Variants in SLC35F4 observed in about 807,000 individuals in gnomAD.
SLC35F4 encodes the protein chromosome 14 open reading frame 36.
In SLC35F4, 24 loss-of-function variants were observed where a neutral mutation model predicts 44.2. That is an observed-to-expected ratio of 0.54 (90% CI 0.39 to 0.76). The LOEUF (loss-of-function observed/expected upper bound fraction) is 0.76, where lower values mean the gene tolerates loss of function less well. Among genes scored for constraint, SLC35F4 ranks in the 30% least tolerant of loss-of-function variants. The pLI, the probability that SLC35F4 is intolerant of heterozygous loss-of-function variation, is 0.00. For synonymous variants in SLC35F4, 238 were observed against 223.6 expected (o/e 1.06, Z -0.57); for missense variants, 562 against 586.1 (o/e 0.96, Z 0.42).
intron 1 of SLC35F4, among the ~76,000 whole-genome samples, chr14:57,731,638 A>G (rs1189007305): frequency 6.6e-6 from 1 of 152,186 alleles, no homozygotes; most frequent in Non-Finnish European, 1.5e-5. Context: ...GTCTTTTTTG[A>G]GCACTGCCTT....
chr14:57,695,678 C>T (rs774949926), intron 1 of SLC35F4, among the ~76,000 whole-genome samples: 3 of 152,130 alleles, frequency 2.0e-5, no homozygotes, highest in Non-Finnish European at 2.9e-5. Flanking sequence ...TGGGTATATA[C>T]CTAAGGGATT....
In SLC35F4 at chr14:57,963,949, C is replaced by T. The variant is rs578118308; in HGVS notation, n.282+17964G>A. Among the ~76,000 whole-genome samples the T allele has an allele frequency of 1.0e-3, 156 of 152,038 alleles. 2 individuals carry two copies. The highest frequency in any genetic ancestry group is 1.7e-3 in the Non-Finnish European group (118 of 67,966). On this transcript the variant is annotated intron_variant and non_coding_transcript_variant, in intron 1 of 1. Coordinates refer to the SLC35F4 transcript ENST00000556568. ...TCTTGCCCAGGCTATTCTCAAACTC[C>T]TGGGCTCAAGCAATCTCCCACCTCG...
intron 1 of SLC35F4, among the ~76,000 whole-genome samples, chr14:57,617,703 G>A (rs2071928821): frequency 6.6e-6 from 1 of 152,088 alleles, no homozygotes; most frequent in South Asian, 2.1e-4. Context: ...GGGTAGAGTG[G>A]GTCTGTATGA....
At chr14:57,596,787 T>C (rs1333264446) in intron 1 of SLC35F4, 1 of 1,367,236 alleles carries the variant, frequency 7.3e-7, no homozygotes, top group Non-Finnish European at 9.8e-7. Flanking sequence ...TATTATGTCC[T>C]GGCTTCCATA....
chr14:57,826,272 C>T (rs922192381), intron 1 of SLC35F4, among the ~76,000 whole-genome samples: 1 of 152,104 alleles, frequency 6.6e-6, no homozygotes, highest in Non-Finnish European at 1.5e-5. Context: ...AAAGGACATC[C>T]TATGTAATAA....
At chr14:57,651,022 T>C (rs958941088) in intron 1 of SLC35F4, among the ~76,000 whole-genome samples, 14 of 152,154 alleles carry the variant, frequency 9.2e-5, no homozygotes, top group African/African-American at 2.9e-4. Context: ...CTCCATAACA[T>C]TACTCCATTT....
intron 1 of SLC35F4, among the ~76,000 whole-genome samples, chr14:57,618,270 T>A (rs1379238673): frequency 6.6e-6 from 1 of 152,190 alleles, no homozygotes; most frequent in Non-Finnish European, 1.5e-5. Flanking sequence ...GGAATAGCAC[T>A]GGTATGCAGC....
At chr14:57,619,276 C>T (rs767881229) in intron 1 of SLC35F4, among the ~76,000 whole-genome samples, 3 of 152,308 alleles carry the variant, frequency 2.0e-5, no homozygotes, top group African/African-American at 7.2e-5. Flanking sequence ...CTGACAGACA[C>T]CTCATACAGG....
At chr14:57,948,165 T>C (rs1011201956) in intron 1 of SLC35F4, among the ~76,000 whole-genome samples, 1 of 152,188 alleles carries the variant, frequency 6.6e-6, no homozygotes, top group Non-Finnish European at 1.5e-5. Context: ...CATCTGGTCC[T>C]GGACTTTTTT....
chr14:57,596,677 C>G, intron 1 of SLC35F4: 1 of 774,496 alleles, frequency 1.3e-6, no homozygotes, highest in Non-Finnish European at 2.1e-6. Flanking sequence ...CAAATATTGT[C>G]CATAGTTACC....
chr14:57,862,010 ACTCTACATC>A (rs1887721181), intron 1 of SLC35F4, among the ~76,000 whole-genome samples: 1 of 152,004 alleles, frequency 6.6e-6, no homozygotes, highest in Non-Finnish European at 1.5e-5. Flanking sequence ...CTCTAAGCTT[ACTCTACATC>A]TCCAATTACA....
chr14:57,791,262 T>C (rs933373858), intron 1 of SLC35F4, among the ~76,000 whole-genome samples: 6 of 152,110 alleles, frequency 3.9e-5, no homozygotes, highest in Admixed American at 6.5e-5. Flanking sequence ...ATCCACAGTC[T>C]ACAGGGAAGT....
intron 1 of SLC35F4, among the ~76,000 whole-genome samples, chr14:57,726,322 T>C (rs192925757): frequency 6.6e-6 from 1 of 152,256 alleles, no homozygotes; most frequent in Non-Finnish European, 1.5e-5. Flanking sequence ...CCAGACTTGC[T>C]GAGGTGCTTG....
At chr14:57,585,276 G>A (rs550109125) in intron 3 of SLC35F4, among the ~76,000 whole-genome samples, 33 of 152,172 alleles carry the variant, frequency 2.2e-4, no homozygotes, top group East Asian at 7.7e-4. Context: ...AAAGGCCTTC[G>A]ACAAAATTCA....
chr14:57,710,824 C>T (rs999048765), intron 1 of SLC35F4, among the ~76,000 whole-genome samples: 1 of 152,110 alleles, frequency 6.6e-6, no homozygotes, highest in African/African-American at 2.4e-5. Context: ...TTCCTGTAAC[C>T]ACATTTTATC....
At chr14:57,604,771 G>A (rs1394421351) in intron 1 of SLC35F4, among the ~76,000 whole-genome samples, 1 of 152,180 alleles carries the variant, frequency 6.6e-6, no homozygotes, top group South Asian at 2.1e-4. Flanking sequence ...ATAGACCAAT[G>A]GAACAGAATA....
intron 1 of SLC35F4, among the ~76,000 whole-genome samples, chr14:57,632,016 T>C (rs1435698586): frequency 6.6e-6 from 1 of 152,176 alleles, no homozygotes; most frequent in African/African-American, 2.4e-5. Context: ...AAATACTGTT[T>C]GTGGAATGTG....
At chr14:57,596,853 C>T in intron 1 of SLC35F4, 1 of 1,367,652 alleles carries the variant, frequency 7.3e-7, no homozygotes, top group Non-Finnish European at 9.8e-7. Context: ...CCAGCTGCCT[C>T]CCACTGGTCA....
At chr14:57,684,859 T>C (rs1279681967) in intron 1 of SLC35F4, among the ~76,000 whole-genome samples, 1 of 152,040 alleles carries the variant, frequency 6.6e-6, no homozygotes, top group East Asian at 1.9e-4. Flanking sequence ...CTCTCAGGAG[T>C]TTCCCCAGAG....
Sources: gnomAD v4.1 joint callset for allele counts (sites outside exome capture counted in the v4.1 genomes callset) on GRCh38, gnomAD v4.1.1 for gene constraint, MANE v1.5 for transcripts, NCBI Gene and HGNC (gene_info 2026-07-23, HGNC 2026-07-21) for gene names.